Variants in NYNRIN observed in about 807,000 individuals in gnomAD.
NYNRIN encodes protein NYNRIN.
Under a neutral mutation model 146.6 loss-of-function variants are expected in NYNRIN, and 86 were observed. That is an observed-to-expected ratio of 0.59 (90% confidence interval 0.49 to 0.70). The LOEUF is 0.70. Among genes scored for constraint, NYNRIN ranks in the 30% least tolerant of loss-of-function variants. The pLI is 0.00. For missense variants in NYNRIN, 2,191 were observed against 2,377.7 expected, an observed-to-expected ratio of 0.92 and a Z score of 1.63; for synonymous variants, 1,027 against 1,001.3, an observed-to-expected ratio of 1.03 and a Z score of -0.48.
intron 2 of NYNRIN, among the ~76,000 whole-genome samples, chr14:24,402,839 A>C (rs2042853198): frequency 6.6e-6 from 1 of 152,198 alleles, no homozygotes; most frequent in African/African-American, 2.4e-5. Flanking sequence ...ACATTTGAAA[A>C]GTCCAATTTT....
intron 2 of NYNRIN, among the ~76,000 whole-genome samples, chr14:24,401,157 G>A (rs2042840483): frequency 6.6e-6 from 1 of 152,152 alleles, no homozygotes; most frequent in Non-Finnish European, 1.5e-5. Context: ...GCTTCTCCAG[G>A]CCTACCTGCT....
At position 24,409,988 on chromosome 14, in the gene NYNRIN, G is replaced by A; in HGVS notation, c.2194G>A (p.Ala732Thr). The change falls in exon 4 of 9, where the codon GCC becomes ACC. Residue 732 changes from alanine to threonine, a missense_variant. Ala to Thr is a moderately conservative substitution (Grantham distance 58). This residue lies in a region of NYNRIN where 895 missense variants were observed against 941.2 expected (regional missense o/e 0.95). Transcript: ENST00000382554. ...GGGTCCCCAGTCCAGTGGCACCTTG[G>A]CCCTCAGCAGTAAGCACCAGTTTCA... ...RQGPQSSGTL[A>T]LSSKHQFQME... The A allele has an allele frequency of 6.2e-7, 1 of 1,613,792 alleles. No homozygotes were observed. Among genetic ancestry groups the A allele is most frequent in the South Asian group, 1.1e-5 (1 of 91,078 alleles).
chr14:24,408,297 C>G lies in NYNRIN; in HGVS notation c.627C>G (p.Phe209Leu). 1 of 1,612,936 alleles carries G rather than the reference C, an allele frequency of 6.2e-7. No individual in the cohort carries two copies. The highest frequency in any genetic ancestry group is 1.1e-5 in the South Asian group (1 of 91,088). Residue 209 changes from phenylalanine to leucine, a missense_variant, in exon 3 of 9, where the codon TTC becomes TTG. Phe to Leu is a conservative substitution (Grantham distance 22). This residue lies in a region of NYNRIN where 895 missense variants were observed against 941.2 expected (regional missense o/e 0.95). Transcript: ENST00000382554. ...KEDIIEWLSRFGISDSHSDPE... is the reference protein window; with the variant it reads ...KEDIIEWLSRLGISDSHSDPE... ...ACATCATCGAGTGGCTCAGCCGCTT[C>G]GGCATCTCTGACTCCCACTCCGATC...
At position 24,418,711 on chromosome 14, in the gene NYNRIN, C is replaced by T. The variant is rs2042964907; in HGVS notation, c.*1265C>T. On this transcript the variant is annotated 3_prime_UTR_variant, in exon 9 of 9. Transcript: ENST00000382554. ...ATTTCTCCGGAAGCTGAGCCAGTCT[C>T]CTGGTCTAGCCCAGGTTGCCAGAAC... 1.9e-5 allele frequency: 3 copies of T among 160,728 alleles called. No homozygotes were observed. The South Asian group carries it at 4.9e-4, about 26-fold the overall frequency. 10.0% of individuals were successfully genotyped at this position (160,728 alleles called of 1,614,324 possible). A position where few individuals can be genotyped will look rare whatever the true frequency, so the allele number is the denominator to read the frequency against.
chr14:24,399,104 G>C lies in NYNRIN; in HGVS notation c.-18+18G>C, dbSNP rs1001934184. The C allele has an allele frequency of 5.3e-6, 4 of 750,184 alleles. No individual in the cohort carries two copies. The highest frequency in any genetic ancestry group is 4.0e-4 in the Middle Eastern group (1 of 2,510). The allele number at this position is 750,184 out of a possible 1,614,324, so 46.5% of individuals were successfully genotyped here. Reference sequence around the variant, plus strand: ...CGTGCGGGGTGGGTCCCGCCGCCTGGAGGAAGGAGGCCGTGCGGGGGGCGC... The same window carrying C: ...CGTGCGGGGTGGGTCCCGCCGCCTGCAGGAAGGAGGCCGTGCGGGGGGCGC... On this transcript the variant is annotated intron_variant, in intron 1 of 8. Coordinates refer to ENST00000382554, the MANE Select transcript of NYNRIN (RefSeq NM_025081.3).
Position 24,418,550 on chromosome 14 carries a change from A to T in NYNRIN, c.*1104A>T, listed in dbSNP as rs775816924. The T allele has an allele frequency of 2.2e-4, 59 of 273,132 alleles. No individual in the cohort carries two copies. The highest frequency in any genetic ancestry group is 1.2e-4 in the African/African-American group (5 of 43,218). The allele number at this position is 273,132 out of a possible 1,614,324, so 16.9% of individuals were successfully genotyped here. A position where few individuals can be genotyped will look rare whatever the true frequency, so the allele number is the denominator to read the frequency against. On this transcript the variant is annotated 3_prime_UTR_variant, in exon 9 of 9. Coordinates refer to ENST00000382554, the MANE Select transcript of NYNRIN (RefSeq NM_025081.3). ...CTCACAGCCATTCTTTGCAGAGATC[A>T]CCCTTGCAGTGAGTGTGAGTTCCTT...
intron 8 of NYNRIN, among the ~76,000 whole-genome samples, chr14:24,414,071 G>T (rs1451124477): frequency 6.6e-6 from 1 of 152,194 alleles, no homozygotes; most frequent in East Asian, 1.9e-4. Flanking sequence ...CTGCCCACCT[G>T]CCAGTTCCCT....
rs1221861529 is a variant in NYNRIN, at chr14:24,409,668, C to T, written c.1874C>T (p.Pro625Leu). 18 of 1,607,268 alleles carry T rather than the reference C, an allele frequency of 1.1e-5. No homozygotes were observed. The highest frequency in any genetic ancestry group is 1.5e-5 in the Non-Finnish European group (18 of 1,176,774). Reference protein sequence around the residue: ...AQVEPTTPKTPQAQKMPVAKT... With the variant: ...AQVEPTTPKTLQAQKMPVAKT... The stretch of plus-strand genomic sequence containing the variant: ...GTGGAACCCACAACTCCAAAAACTC[C>T]CCAGGCTCAGAAGATGCCTGTAGCA... The change falls in exon 4 of 9, where the codon CCC (proline) becomes CTC (leucine). Residue 625 changes from proline (P) to leucine (L), a missense_variant. By Grantham distance (98) the Pro-to-Leu change is moderately conservative. Transcript: ENST00000382554.
chr14:24,412,936 A>G lies in NYNRIN; in HGVS notation c.2643-61A>G, dbSNP rs1418377649. 3 of 1,100,820 alleles carry G rather than the reference A, an allele frequency of 2.7e-6. No individual in the cohort carries two copies. The Admixed American group carries it at 6.6e-5, about 24-fold the overall frequency. The allele number at this position is 1,100,820 out of a possible 1,614,324, so 68.2% of individuals were successfully genotyped here. On this transcript the variant is annotated intron_variant, in intron 6 of 8. Coordinates refer to ENST00000382554, the MANE Select transcript of NYNRIN (RefSeq NM_025081.3). ...TGAAGCTGCAAGTTTATTTTCCCAG[A>G]TGACCCAGGAAGTGAGGGGGCTAGT... is the stretch of plus-strand genomic sequence containing the variant.
In NYNRIN at chr14:24,414,843, C is replaced by T. The variant is rs755396512; in HGVS notation, c.3094C>T (p.Pro1032Ser). 3 of 1,612,492 alleles carry T rather than the reference C, an allele frequency of 1.9e-6. No individual in the cohort carries two copies. Among genetic ancestry groups the T allele is most frequent in the Non-Finnish European group, 2.5e-6 (3 of 1,178,938 alleles). ...SLASVFRVECPSLSEEILRCL... is the reference protein window; with the variant it reads ...SLASVFRVECSSLSEEILRCL... ...GGCGTCAGTGTTCAGGGTGGAGTGC[C>T]CGTCCCTTTCGGAGGAGATCCTGCG... The change falls in exon 9 of 9, where the codon CCG becomes TCG. Residue 1032 changes from proline to serine, a missense_variant. Around this residue, in one of 3 missense-constraint regions of NYNRIN, gnomAD observed 1,291 missense variants for 1,417.0 expected, o/e 0.91. Coordinates refer to ENST00000382554, the MANE Select transcript of NYNRIN (RefSeq NM_025081.3).
intron 2 of NYNRIN, 144 bp from the exon 3 acceptor site, chr14:24,407,725 G>T: frequency 1.4e-6 from 1 of 690,114 alleles, no homozygotes. Context: ...GGCCATGGGG[G>T]AGTCATTTGG....
At chr14:24,407,374 C>T (rs766919371) in intron 2 of NYNRIN, among the ~76,000 whole-genome samples, 17 of 152,242 alleles carry the variant, frequency 1.1e-4, no homozygotes, top group African/African-American at 2.9e-4. Context: ...CGGGGGCAGG[C>T]GTGTTGTGTG....
rs754115535 is a variant in NYNRIN, at chr14:24,409,062, C to G, written c.1268C>G (p.Pro423Arg). The G allele has an allele frequency of 3.7e-6, 6 of 1,613,544 alleles. No individual in the cohort carries two copies. The South Asian group carries it at 5.5e-5, about 15-fold the overall frequency. The change falls in exon 4 of 9, where the codon CCT (proline) becomes CGT (arginine). Residue 423 changes from proline to arginine, a missense_variant. Coordinates refer to ENST00000382554, the MANE Select transcript of NYNRIN (RefSeq NM_025081.3). ...GAGTGGAAGCAGAAGGAGCTGGCTC[C>G]TCTGCCTAGTGCAGAAAGCCCAGCT... ...NLEWKQKELA[P>R]LPSAESPAGR... is the part of the protein sequence containing the mutation.
chr14:24,416,261 C>T lies in NYNRIN; in HGVS notation c.4512C>T (p.Ser1504=). ...RLQAGQKLSG[S]SPFSSAFNSL... ...AGGCTGGGCAGAAACTGTCTGGCTC[C>T]TCACCGTTTAGTTCTGCCTTTAACT... is the stretch of plus-strand genomic sequence containing the variant. Residue 1504 remains serine, a synonymous_variant, in exon 9 of 9, where the codon TCC becomes TCT. Transcript: ENST00000382554. The T allele has an allele frequency of 6.2e-7, 1 of 1,613,910 alleles. No individual in the cohort carries two copies. The highest frequency in any genetic ancestry group is 8.5e-7 in the Non-Finnish European group (1 of 1,179,880).
chr14:24,413,706 A>G (rs1192170738), intron 8 of NYNRIN, among the ~76,000 whole-genome samples: 1 of 152,212 alleles, frequency 6.6e-6, no homozygotes, highest in African/African-American at 2.4e-5. Context: ...TCCTATGCTA[A>G]TTCATGTAGC....
chr14:24,409,729 T>C lies in NYNRIN; in HGVS notation c.1935T>C (p.Ala645=). The C allele has an allele frequency of 6.2e-7, 1 of 1,607,954 alleles. No homozygotes were observed. Among genetic ancestry groups the C allele is most frequent in the African/African-American group, 1.3e-5 (1 of 74,732 alleles). ...TSPAGPKTPK[A]QAGPAATVSK... is the part of the protein sequence containing the mutation. Reference sequence around the variant, plus strand: ...CTGCAGGTCCCAAAACACCCAAAGCTCAAGCCGGGCCTGCAGCTACAGTTT... The same window carrying C: ...CTGCAGGTCCCAAAACACCCAAAGCCCAAGCCGGGCCTGCAGCTACAGTTT... Residue 645 remains alanine (A), a synonymous_variant, in exon 4 of 9, where the codon GCT becomes GCC. Transcript: ENST00000382554.
At position 24,417,904 on chromosome 14, in the gene NYNRIN, C is replaced by A; in HGVS notation, c.*458C>A. On this transcript the variant is annotated 3_prime_UTR_variant, in exon 9 of 9. Transcript: ENST00000382554. ...CCCAAATGTGGGCTCCTCCCTCCAACCTGTTCTTTTGGGGACCCTTTGCCC... is the reference window on the plus strand; with the variant it reads ...CCCAAATGTGGGCTCCTCCCTCCAAACTGTTCTTTTGGGGACCCTTTGCCC... 4.8e-6 allele frequency: 1 copy of A among 207,978 alleles called. No individual in the cohort carries two copies. The highest frequency in any genetic ancestry group is 2.4e-5 in the African/African-American group (1 of 42,104). The allele number at this position is 207,978 out of a possible 1,614,324, so 12.9% of individuals were successfully genotyped here.
intron 2 of NYNRIN, among the ~76,000 whole-genome samples, chr14:24,401,819 T>A (rs1348265873): frequency 1.3e-5 from 2 of 152,214 alleles, no homozygotes; most frequent in African/African-American, 2.4e-5. Context: ...GTTTGTAAAG[T>A]GGAAGTCTTG....
At chr14:24,410,835 C>T (rs532593177) in intron 4 of NYNRIN, among the ~76,000 whole-genome samples, 1 of 152,334 alleles carries the variant, frequency 6.6e-6, no homozygotes, top group South Asian at 2.1e-4. Flanking sequence ...CCCTCAATGT[C>T]CCTACACACA....
Sources: gnomAD v4.1 joint callset for allele counts (sites outside exome capture counted in the v4.1 genomes callset) on GRCh38, gnomAD v4.1.1 for gene constraint, gnomAD v4.1.1 regional missense constraint, MANE v1.5 for transcripts, NCBI Gene and HGNC (gene_info 2026-07-23, HGNC 2026-07-21) for gene names.